NSUN2: variants seen among roughly 807,000 people sequenced by gnomAD.
NSUN2 encodes RNA cytosine C(5)-methyltransferase NSUN2.
A neutral mutation model predicts 92.7 loss-of-function variants in NSUN2; 63 were observed. That is an observed-to-expected ratio of 0.68 (90% CI 0.56 to 0.84). The LOEUF (loss-of-function observed/expected upper bound fraction) is 0.84. NSUN2 is among the 40% of genes least tolerant of loss of function. The pLI, the probability that NSUN2 is intolerant of heterozygous loss-of-function variation, is 0.00. For synonymous variants in NSUN2, 356 were observed against 348.3 expected (o/e 1.02, Z -0.25); for missense variants, 989 against 964.9 (o/e 1.02, Z -0.33).
At chr5:6,610,865 C>G (rs1423646416) in intron 11 of NSUN2, 90 bp downstream of exon 11, 2 of 1,496,132 alleles carry the variant, frequency 1.3e-6, no homozygotes, top group African/African-American at 2.8e-5. Context: ...CACCTGCTGC[C>G]TCCAACTCAC....
intron 9 of NSUN2, among the ~76,000 whole-genome samples, chr5:6,615,526 C>T (rs140719985): frequency 2.0e-5 from 3 of 152,320 alleles, no homozygotes; most frequent in Non-Finnish European, 2.9e-5. Context: ...TGCAAGAAAA[C>T]ATCACCCAGA....
At chr5:6,614,979 A>C (rs3776433) in intron 9 of NSUN2, among the ~76,000 whole-genome samples, 87,633 of 151,926 alleles carry the variant, frequency 0.58, 26,157 homozygotes, top group Non-Finnish European at 0.66. Flanking sequence ...GCAAAATTAA[A>C]CACCTAGAGT....
At chr5:6,621,671 C>A (rs1737450084) in intron 6 of NSUN2, 1 of 177,758 alleles carries the variant, frequency 5.6e-6, no homozygotes, top group African/African-American at 2.4e-5. Context: ...TGGCGTGAAC[C>A]CAGGAGGTGG....
intron 3 of NSUN2, among the ~76,000 whole-genome samples, 199 bp from the exon 4 acceptor site, chr5:6,625,868 G>A (rs983401374): frequency 6.6e-6 from 1 of 152,098 alleles, no homozygotes; most frequent in Non-Finnish European, 1.5e-5. Context: ...TAGCTACACC[G>A]TGGCCCAATC....
At position 6,599,906 on chromosome 5, in the gene NSUN2, C is replaced by T. The variant is rs1736473407; in HGVS notation, c.*20G>A. 6.2e-7 allele frequency: 1 copy of T among 1,605,504 alleles called. No individual in the cohort carries two copies. Among genetic ancestry groups the T allele is most frequent in the Non-Finnish European group, 8.5e-7 (1 of 1,176,388 alleles). ...AGTTTTGCGTGTGAGGGGTGTGGGC[C>T]CCCGCTGCCTTGGGCCTGCTCACCG... On this transcript the variant is annotated 3_prime_UTR_variant, in exon 19 of 19. Transcript: ENST00000264670.
At chr5:6,623,400 G>A in intron 4 of NSUN2, 115 bp from the exon 5 acceptor site, 1 of 810,174 alleles carries the variant, frequency 1.2e-6, no homozygotes, top group Non-Finnish European at 1.9e-6. Context: ...ATCTTATACA[G>A]AATGAGAGAA....
At position 6,600,129 on chromosome 5, in the gene NSUN2, T is replaced by C. The variant is rs746067851; in HGVS notation, c.2101A>G (p.Met701Val). 1.9e-6 allele frequency: 3 copies of C among 1,614,150 alleles called. No individual in the cohort carries two copies. Among genetic ancestry groups the C allele is most frequent in the Non-Finnish European group, 2.5e-6 (3 of 1,180,012 alleles). ...PKNERLHYLR[M>V]MGLEVLGEKK... ...TCTCCCAATACCTCCAGCCCCATCA[T>C]CCTGAGATAATGAAGCCGTTCATTC... The change falls in exon 19 of 19, where the codon ATG becomes GTG. Residue 701 changes from methionine to valine, a missense_variant. By Grantham distance (21) the Met-to-Val change is conservative. Around this residue, in one of 3 missense-constraint regions of NSUN2, gnomAD observed 626 missense variants for 602.3 expected, o/e 1.04. Coordinates refer to ENST00000264670, the MANE Select transcript of NSUN2 (RefSeq NM_017755.6).
intron 8 of NSUN2, among the ~76,000 whole-genome samples, chr5:6,617,427 A>G (rs1186212982): frequency 6.6e-6 from 1 of 152,220 alleles, no homozygotes; most frequent in Non-Finnish European, 1.5e-5. Context: ...AAGTATTTGG[A>G]AAAAGTACTT....
intron 14 of NSUN2, among the ~76,000 whole-genome samples, chr5:6,606,377 A>G (rs552350888): frequency 6.6e-6 from 1 of 152,112 alleles, no homozygotes; most frequent in South Asian, 2.1e-4. Flanking sequence ...TCCACCTCCC[A>G]GGTTCACGCC....
chr5:6,603,567 T>C (rs1736640555), intron 17 of NSUN2, among the ~76,000 whole-genome samples: 1 of 152,144 alleles, frequency 6.6e-6, no homozygotes, highest in Admixed American at 6.5e-5. Flanking sequence ...GGCGGGTGCT[T>C]GTAGTCCCAG....
chr5:6,616,815 A>C lies in NSUN2; in HGVS notation c.933T>G (p.Ala311=). Reference sequence around the variant, plus strand: ...TGGAATACACCATCCTTCCACCTTCAGCCAGCTGTTCAGCCCCGCGTGTTG... The same window carrying C: ...TGGAATACACCATCCTTCCACCTTCCGCCAGCTGTTCAGCCCCGCGTGTTG... ...RIATRGAEQL[A]EGGRMVYSTC... is the part of the protein sequence containing the mutation. The change falls in exon 9 of 19, where the codon GCT becomes GCG. Residue 311 remains alanine, a synonymous_variant. Transcript: ENST00000264670. The C allele has an allele frequency of 6.2e-7, 1 of 1,614,104 alleles. No homozygotes were observed. Among genetic ancestry groups the C allele is most frequent in the Non-Finnish European group, 8.5e-7 (1 of 1,179,984 alleles).
At position 6,631,878 on chromosome 5, in the gene NSUN2, C is replaced by G. The variant is rs1479645177; in HGVS notation, c.354G>C (p.Leu118=). The G allele has an allele frequency of 1.9e-6, 3 of 1,608,480 alleles. No homozygotes were observed. Among genetic ancestry groups the G allele is most frequent in the Non-Finnish European group, 2.6e-6 (3 of 1,175,180 alleles). Reference sequence around the variant, plus strand: ...TGAAGCACTGTGGTACCTACCAACTCAGTGGCTGTGGAACTTCAACTTTCT... The same window carrying G: ...TGAAGCACTGTGGTACCTACCAACTGAGTGGCTGTGGAACTTCAACTTTCT... The part of the protein sequence containing the change: ...DGQKVEVPQP[L]SWYPEELAWH... Residue 118 remains leucine, a synonymous_variant, in exon 3 of 19, where the codon CTG becomes CTC. Transcript: ENST00000264670.
At chr5:6,606,963 TTC>T in intron 13 of NSUN2, 51 bp from the exon 14 acceptor site, 1 of 1,142,024 alleles carries the variant, frequency 8.8e-7, no homozygotes, top group Non-Finnish European at 1.3e-6. Context: ...TGTGGTAACC[TTC>T]AATACCAAAA....
intron 12 of NSUN2, among the ~76,000 whole-genome samples, chr5:6,608,013 T>C (rs1025126286): frequency 1.8e-4 from 27 of 152,196 alleles, no homozygotes; most frequent in Non-Finnish European, 2.6e-4. Context: ...GGTCACAAAA[T>C]TGATAAAAGT....
intron 9 of NSUN2, among the ~76,000 whole-genome samples, chr5:6,612,428 T>C (rs748974232): frequency 1.1e-4 from 16 of 152,172 alleles, no homozygotes; most frequent in Non-Finnish European, 2.4e-4. Flanking sequence ...TCAGCCCAGT[T>C]TTAAAAACAA....
chr5:6,631,919 G>C lies in NSUN2; in HGVS notation c.313C>G (p.Leu105Val). The C allele has an allele frequency of 1.2e-6, 2 of 1,614,108 alleles. No individual in the cohort carries two copies. Among genetic ancestry groups the C allele is most frequent in the Admixed American group, 3.3e-5 (2 of 60,020 alleles). Residue 105 changes from leucine (L) to valine (V), a missense_variant, in exon 3 of 19, where the codon CTG becomes GTG. Physicochemically the swap from Leu to Val is conservative, Grantham distance 32 (BLOSUM62 1). Transcript: ENST00000264670. ...TCAACTTTCTGACCGTCCACCTCCA[G>C]GTCCTCCAATTCCTTAAAATATTTG... ...KNKYFKELED[L>V]EVDGQKVEVP... is the part of the protein sequence containing the mutation.
intron 3 of NSUN2, among the ~76,000 whole-genome samples, chr5:6,627,359 C>G (rs968444651): frequency 2.0e-5 from 3 of 152,184 alleles, no homozygotes; most frequent in African/African-American, 7.2e-5. Flanking sequence ...TCTGGTCTTC[C>G]TGAACTTGTC....
intron 18 of NSUN2, among the ~76,000 whole-genome samples, chr5:6,601,163 TAAAA>T (rs3836786): frequency 0.021 from 3,226 of 151,078 alleles, 43 homozygotes; most frequent in African/African-American, 0.03. Context: ...CCCATCTTCT[TAAAA>T]AAAAAAAACC....
intron 3 of NSUN2, among the ~76,000 whole-genome samples, chr5:6,628,557 C>T (rs571231142): frequency 6.6e-6 from 1 of 152,250 alleles, no homozygotes; most frequent in African/African-American, 2.4e-5. Context: ...AAACGTTTTC[C>T]TAAATTATAT....
Sources: allele counts gnomAD v4.1 joint callset (sites outside exome capture counted in the v4.1 genomes callset), GRCh38; gene constraint gnomAD v4.1.1; regional missense constraint gnomAD v4.1.1; transcripts MANE v1.5; gene names NCBI Gene and HGNC (gene_info 2026-07-23, HGNC 2026-07-21).